Variants in DDX60L observed in about 807,000 individuals in gnomAD.
The protein encoded by DDX60L is probable ATP-dependent RNA helicase DDX60-like.
In DDX60L, 191 loss-of-function variants were observed where a neutral mutation model predicts 211.6. The ratio of observed to expected loss-of-function variants is 0.90; its 90% CI spans 0.80 to 1.02. DDX60L has a LOEUF of 1.02. Among genes scored for constraint, DDX60L ranks in the 50% least tolerant of loss-of-function variants. The pLI is 0.00. For synonymous variants in DDX60L, 706 were observed against 694.1 expected (o/e 1.02, Z -0.27); for missense variants, 2,007 against 1,984.1 (o/e 1.01, Z -0.22).
intron 33 of DDX60L, among the ~76,000 whole-genome samples, chr4:168,376,603 A>T (rs1286715966): frequency 6.6e-6 from 1 of 151,822 alleles, no homozygotes; most frequent in Non-Finnish European, 1.5e-5. Context: ...ATGGACCAAG[A>T]CAAAAGAATA....
chr4:168,448,862 A>C, intron 8 of DDX60L, 83 bp from the exon 9 acceptor site: 8 of 1,257,642 alleles, frequency 6.4e-6, no homozygotes, highest in Non-Finnish European at 8.9e-6. Flanking sequence ...AAGGTAGGTC[A>C]CAAGGGACAT....
At chr4:168,395,727 T>C (rs1403679890) in intron 27 of DDX60L, 6 of 409,590 alleles carry the variant, frequency 1.5e-5, no homozygotes, top group Non-Finnish European at 2.6e-5. Context: ...TCCAGGATAA[T>C]AGAGTGAAAT....
intron 5 of DDX60L, among the ~76,000 whole-genome samples, chr4:168,461,008 C>T (rs970301263): frequency 1.3e-5 from 2 of 152,184 alleles, no homozygotes; most frequent in African/African-American, 4.8e-5. Flanking sequence ...CCAGTAACAC[C>T]CTGGGTGCAC....
intron 8 of DDX60L, among the ~76,000 whole-genome samples, chr4:168,450,770 A>T (rs749052535): frequency 2.0e-5 from 3 of 152,104 alleles, no homozygotes; most frequent in Non-Finnish European, 2.9e-5. Flanking sequence ...AAAATTAGCC[A>T]GGCATGGTGG....
rs1743533284 is a variant in DDX60L at position 168,384,626 on chromosome 4, C to A, written c.4102G>T (p.Asp1368Tyr). Residue 1368 changes from aspartate to tyrosine, a missense_variant, in exon 30 of 38, where the codon GAT becomes TAT. Coordinates refer to ENST00000682922, the MANE Select transcript of DDX60L (RefSeq NM_001012967.3). ...LLASKGDDPE[D>Y]AKAKVLSVLK... ...CAGCACGGTACCTTTGCCTTGGCATCCTCTGGGTCATCTCCCTTGGAAGCC... is the reference window on the plus strand; with the variant it reads ...CAGCACGGTACCTTTGCCTTGGCATACTCTGGGTCATCTCCCTTGGAAGCC... 1 of 1,613,842 alleles carries A rather than the reference C, an allele frequency of 6.2e-7. No homozygotes were observed. The highest frequency in any genetic ancestry group is 1.3e-5 in the African/African-American group (1 of 74,920).
chr4:168,380,840 T>C (rs754015312), intron 30 of DDX60L: 4 of 152,214 alleles, frequency 2.6e-5, no homozygotes, highest in Admixed American at 6.5e-5. Context: ...AATAGTAATA[T>C]GGACAATGAA....
rs149245167 is a variant in DDX60L, at chr4:168,379,299, C to T, written c.4363+64G>A. 1.3e-3 allele frequency: 1,756 copies of T among 1,303,604 alleles called. 15 individuals are homozygous for T. The highest frequency in any genetic ancestry group is 0.012 in the African/African-American group (801 of 65,524). The allele number at this position is 1,303,604 out of a possible 1,614,324, so 80.8% of individuals were successfully genotyped here. A position where few individuals can be genotyped will look rare whatever the true frequency, so the allele number is the denominator to read the frequency against. ...GAGGAAGAAGAGAAAAACATATCTGCGGTTTTGGCTATTCAATAAATATGT... is the reference window on the plus strand; with the variant it reads ...GAGGAAGAAGAGAAAAACATATCTGTGGTTTTGGCTATTCAATAAATATGT... On this transcript the variant is annotated intron_variant, in intron 32 of 37. Transcript: ENST00000682922.
chr4:168,468,735 C>T (rs903058068), intron 4 of DDX60L: 1 of 152,052 alleles, frequency 6.6e-6, no homozygotes, highest in African/African-American at 2.4e-5. Flanking sequence ...AAGAAATATA[C>T]AAATAAGCCA....
Position 168,471,931 on chromosome 4 carries a change from G to A in DDX60L, c.80C>T (p.Ser27Phe). Residue 27 changes from serine (S) to phenylalanine (F), a missense_variant, in exon 4 of 38, where the codon TCC becomes TTC. Physicochemically the swap from Ser to Phe is radical, Grantham distance 155. Coordinates refer to ENST00000682922, the MANE Select transcript of DDX60L (RefSeq NM_001012967.3). ...ILNEMPKAGY[S>F]SILNDFVESN... is the part of the protein sequence containing the mutation. ...TTCCACAAAATCATTTAATATGCTGGAATACCTAAAATAAAAATCAAAGAG... is the reference window on the plus strand; with the variant it reads ...TTCCACAAAATCATTTAATATGCTGAAATACCTAAAATAAAAATCAAAGAG... 1 of 1,588,830 alleles carries A rather than the reference G, an allele frequency of 6.3e-7. No homozygotes were observed. Among genetic ancestry groups the A allele is most frequent in the Non-Finnish European group, 8.6e-7 (1 of 1,168,046 alleles).
chr4:168,472,082 A>G (rs998210907), intron 3 of DDX60L, 146 bp from the exon 4 acceptor site: 81 of 633,626 alleles, frequency 1.3e-4, no homozygotes, highest in East Asian at 1.2e-3. Context: ...CATTTAAGCA[A>G]CTGTCCTTTA....
intron 8 of DDX60L, among the ~76,000 whole-genome samples, chr4:168,449,678 A>AAAAAAAAAAAAG: frequency 7.0e-6 from 1 of 143,772 alleles, no homozygotes; most frequent in Non-Finnish European, 1.5e-5. Context: ...AAAAAGAAAA[A>AAAAAAAAAAAAG]AATTACTAAA....
In DDX60L at chr4:168,461,840, C is replaced by T. The variant is rs17612630; in HGVS notation, c.465G>A (p.Thr155=). The change falls in exon 5 of 38, where the codon ACG becomes ACA. Residue 155 remains threonine, a synonymous_variant. Transcript: ENST00000682922. ...VSEEGLSDLQ[T]YLFNFLIIHS... is the part of the protein sequence containing the mutation. ...GTATGATTAGGAAGTTAAAAAGGTA[C>T]GTTTGTAAATCACTCAGGCCTTCCT... 215 of 1,607,822 alleles carry T rather than the reference C, an allele frequency of 1.3e-4. No homozygotes were observed. The East Asian group carries it at 3.2e-3, about 24-fold the overall frequency.
At chr4:168,417,750 A>G (rs890274888) in intron 19 of DDX60L, among the ~76,000 whole-genome samples, 5 of 152,208 alleles carry the variant, frequency 3.3e-5, no homozygotes, top group African/African-American at 1.2e-4. Context: ...GAATGAATCA[A>G]TCCTCTTTGG....
At chr4:168,454,710 C>G (rs892447037) in intron 7 of DDX60L, among the ~76,000 whole-genome samples, 2 of 147,866 alleles carry the variant, frequency 1.4e-5, no homozygotes, top group African/African-American at 5.0e-5. Context: ...GCTCACTGCT[C>G]TCTCCATTCT....
rs1357557977 is a variant in DDX60L, at chr4:168,449,231, A to G, written c.997-452T>C. On this transcript the variant is annotated intron_variant, in intron 8 of 37. Coordinates refer to ENST00000682922, the MANE Select transcript of DDX60L (RefSeq NM_001012967.3). ...TCTTTGCCCTTTTTCCATCTTCTTT[A>G]GCCAAGACCTTAAGATTAAGAGGCA... Among the ~76,000 whole-genome samples the G allele has an allele frequency of 3.9e-5, 6 of 152,146 alleles. No individual in the cohort carries two copies. In the East Asian group the frequency reaches 1.2e-3, roughly 30 times the overall value.
In DDX60L at chr4:168,449,477, A is replaced by T. The variant is rs1465469468; in HGVS notation, c.997-698T>A. ...CTGGGGACTGTGGTGGGGTCGGGGGAGGGGGGAGGGATAGCATTGGGAGAT... is the reference window on the plus strand; with the variant it reads ...CTGGGGACTGTGGTGGGGTCGGGGGTGGGGGGAGGGATAGCATTGGGAGAT... On this transcript the variant is annotated intron_variant, in intron 8 of 37. Transcript: ENST00000682922. Among the ~76,000 whole-genome samples, 5 of 37,592 alleles carry T rather than the reference A, an allele frequency of 1.3e-4. No homozygotes were observed. The South Asian group carries it at 5.2e-3, about 39-fold the overall frequency. 24.7% of individuals were successfully genotyped at this position (37,592 alleles called of 152,430 possible).
intron 14 of DDX60L, among the ~76,000 whole-genome samples, chr4:168,424,882 A>C (rs1193812289): frequency 6.6e-6 from 1 of 152,212 alleles, no homozygotes; most frequent in Non-Finnish European, 1.5e-5. Context: ...CGGTTTTGTT[A>C]CTAAGTTTGG....
At position 168,461,950 on chromosome 4, in the gene DDX60L, C is replaced by T. The variant is rs778276936; in HGVS notation, c.355G>A (p.Val119Met). Residue 119 changes from valine (V) to methionine (M), a missense_variant, in exon 5 of 38, where the codon GTG becomes ATG. By Grantham distance (21) the Val-to-Met change is conservative. Transcript: ENST00000682922. ...AAGCATCCAGAAAACTCCGTTTGCA[C>T]ATCAATGTTAGTATTGTGTTGAAGG... ...LHLQHNTNIDVQTEFSGCLSQ... is the reference protein window; with the variant it reads ...LHLQHNTNIDMQTEFSGCLSQ... The T allele has an allele frequency of 3.7e-6, 6 of 1,613,180 alleles. No individual in the cohort carries two copies. Among genetic ancestry groups the T allele is most frequent in the African/African-American group, 1.3e-5 (1 of 74,912 alleles).
chr4:168,458,173 T>C (rs1448669362), intron 5 of DDX60L, among the ~76,000 whole-genome samples, 165 bp from the exon 6 acceptor site: 5 of 152,254 alleles, frequency 3.3e-5, no homozygotes, highest in East Asian at 1.9e-4. Flanking sequence ...GGCGAGTTTG[T>C]AGAGAAATAC....
Sources: allele counts gnomAD v4.1 joint callset (sites outside exome capture counted in the v4.1 genomes callset), GRCh38; gene constraint gnomAD v4.1.1; transcripts MANE v1.5; gene names NCBI Gene and HGNC (gene_info 2026-07-23, HGNC 2026-07-21).